The following ELOVL6 variants were observed in gnomAD, a reference collection of about 807,000 sequenced individuals.
The protein encoded by ELOVL6 is ELOVL fatty acid elongase 6.
Under a neutral mutation model 31.7 loss-of-function variants are expected in ELOVL6, and 8 were observed. The observed-to-expected ratio is 0.25, with a 90% CI of 0.15 to 0.45. The LOEUF (loss-of-function observed/expected upper bound fraction) is 0.45, where lower values mean the gene tolerates loss of function less well. Ranked by LOEUF, ELOVL6 falls within the 20% of genes least tolerant of loss-of-function variation. ELOVL6 has a pLI of 1.00. For missense variants in ELOVL6, 126 were observed against 326.4 expected (o/e 0.39, Z 4.73); for synonymous variants, 101 against 117.7 (o/e 0.86, Z 0.92).
chr4:110,066,691 A>T (rs1755315314), intron 2 of ELOVL6, among the ~76,000 whole-genome samples: 1 of 150,656 alleles, frequency 6.6e-6, no homozygotes, highest in Non-Finnish European at 1.5e-5. Flanking sequence ...TGTCAATATC[A>T]TGTCTCTACA....
chr4:110,102,515 T>A (rs1756776499), intron 2 of ELOVL6, among the ~76,000 whole-genome samples: 1 of 152,022 alleles, frequency 6.6e-6, no homozygotes, highest in Non-Finnish European at 1.5e-5. Flanking sequence ...AGAAACTAGC[T>A]GGCCGTGGTG....
At chr4:110,189,472 A>G (rs908370943) in intron 1 of ELOVL6, among the ~76,000 whole-genome samples, 1 of 151,530 alleles carries the variant, frequency 6.6e-6, no homozygotes, top group Non-Finnish European at 1.5e-5. Context: ...CTGTAATCCC[A>G]GCTACTCAGA....
At chr4:110,184,732 A>G (rs918251977) in intron 1 of ELOVL6, among the ~76,000 whole-genome samples, 1 of 152,182 alleles carries the variant, frequency 6.6e-6, no homozygotes, top group Non-Finnish European at 1.5e-5. Context: ...CAGGTAGGAG[A>G]AAAGGGAGAT....
chr4:110,167,499 G>A lies in ELOVL6; in HGVS notation c.89+30748C>T, dbSNP rs181498282. On this transcript the variant is annotated intron_variant, in intron 1 of 3. Transcript: ENST00000302274. ...AGAGTTACTAAAGGATGTTTTTTTG[G>A]TTGCAGAGAGGGGAGTGAAGGGGGA... Among the ~76,000 whole-genome samples the A allele has an allele frequency of 4.0e-5, 6 of 151,784 alleles. No individual in the cohort carries two copies. The East Asian group carries it at 5.8e-4, about 15-fold the overall frequency.
intron 1 of ELOVL6, among the ~76,000 whole-genome samples, chr4:110,153,734 A>G (rs1177456197): frequency 6.6e-6 from 1 of 152,184 alleles, no homozygotes; most frequent in Non-Finnish European, 1.5e-5. Context: ...AATTTTTAAA[A>G]TTTTAAGAGT....
At chr4:110,173,195 C>T (rs1322853905) in intron 1 of ELOVL6, among the ~76,000 whole-genome samples, 1 of 152,168 alleles carries the variant, frequency 6.6e-6, no homozygotes, top group African/African-American at 2.4e-5. Context: ...GTGACTTAGT[C>T]AAGCATGAGA....
intron 2 of ELOVL6, among the ~76,000 whole-genome samples, chr4:110,065,171 A>G (rs1411972174): frequency 6.6e-6 from 1 of 152,226 alleles, no homozygotes; most frequent in Non-Finnish European, 1.5e-5. Flanking sequence ...TATGGTTGGG[A>G]GTTTCCTTTG....
chr4:110,077,370 G>A (rs759001568), intron 2 of ELOVL6, among the ~76,000 whole-genome samples: 42 of 152,118 alleles, frequency 2.8e-4, no homozygotes, highest in Non-Finnish European at 5.1e-4. Flanking sequence ...TCACACAGCC[G>A]GGTGCTCCTC....
intron 1 of ELOVL6, among the ~76,000 whole-genome samples, chr4:110,135,388 T>C (rs1044727147): frequency 6.6e-6 from 1 of 152,174 alleles, no homozygotes; most frequent in African/African-American, 2.4e-5. Context: ...TTGTAAGAAA[T>C]GGAGTGAGGT....
intron 1 of ELOVL6, among the ~76,000 whole-genome samples, chr4:110,141,634 T>C (rs1757959172): frequency 1.3e-5 from 2 of 150,560 alleles, no homozygotes; most frequent in Admixed American, 6.7e-5. Flanking sequence ...CCTACAGCAT[T>C]AATATTGTAT....
intron 1 of ELOVL6, among the ~76,000 whole-genome samples, chr4:110,173,915 T>C (rs1759025608): frequency 6.6e-6 from 1 of 151,506 alleles, no homozygotes; most frequent in African/African-American, 2.4e-5. Flanking sequence ...TGAAATAATA[T>C]GTACAACAAA....
chr4:110,134,116 A>C (rs1230853001), intron 1 of ELOVL6, among the ~76,000 whole-genome samples: 1 of 152,212 alleles, frequency 6.6e-6, no homozygotes. Flanking sequence ...GATACATTAC[A>C]ATGTTATAGT....
chr4:110,198,343 G>A lies in ELOVL6; in HGVS notation c.-8C>T, dbSNP rs756323094. 8 of 1,545,684 alleles carry A rather than the reference G, an allele frequency of 5.2e-6. No homozygotes were observed. The highest frequency in any genetic ancestry group is 7.2e-6 in the Non-Finnish European group (8 of 1,118,832). On this transcript the variant is annotated 5_prime_UTR_variant, in exon 1 of 4. Transcript: ENST00000302274. Reference sequence around the variant, plus strand: ...CAACACTGACATGTTCATTGGGGCTGATCTTCGGAGTCGCTACGTGTTCTC... The same window carrying A: ...CAACACTGACATGTTCATTGGGGCTAATCTTCGGAGTCGCTACGTGTTCTC...
rs1208624293 is a variant in ELOVL6, at chr4:110,084,137, G to GATATATATATCACATATATGTT, written c.221+21359_221+21360insAACATATATGTGATATATATAT. Among the ~76,000 whole-genome samples the GATATATATATCACATATATGTT allele has an allele frequency of 1.1e-4, 7 of 60,908 alleles. No homozygotes were observed. In the South Asian group the frequency reaches 1.3e-3, roughly 11 times the overall value. 40.0% of individuals were successfully genotyped at this position (60,908 alleles called of 152,430 possible). A position where few individuals can be genotyped will look rare whatever the true frequency, so the allele number is the denominator to read the frequency against. On this transcript the variant is annotated intron_variant, in intron 2 of 3. Coordinates refer to ENST00000302274, the MANE Select transcript of ELOVL6 (RefSeq NM_024090.3). ...ATATATATAACATATATGTGATAAT[G>GATATATATATCACATATATGTT]ATATATATGATATATATAACATATA...
At chr4:110,133,437 C>A (rs1305911102) in intron 1 of ELOVL6, among the ~76,000 whole-genome samples, 1 of 152,200 alleles carries the variant, frequency 6.6e-6, no homozygotes, top group East Asian at 1.9e-4. Flanking sequence ...AAATGTTACA[C>A]TGTGTATTAA....
chr4:110,182,627 G>A (rs780629617), intron 1 of ELOVL6, among the ~76,000 whole-genome samples: 3 of 152,146 alleles, frequency 2.0e-5, no homozygotes, highest in Non-Finnish European at 4.4e-5. Flanking sequence ...GGAACAGGGA[G>A]GCCGGGCGCG....
intron 3 of ELOVL6, among the ~76,000 whole-genome samples, chr4:110,058,941 C>A (rs1755066944): frequency 6.6e-6 from 1 of 152,120 alleles, no homozygotes; most frequent in Admixed American, 6.5e-5. Flanking sequence ...AAAACTGTGC[C>A]CACATTAACT....
chr4:110,154,142 T>A (rs1388660223), intron 1 of ELOVL6, among the ~76,000 whole-genome samples: 1 of 152,180 alleles, frequency 6.6e-6, no homozygotes, highest in African/African-American at 2.4e-5. Flanking sequence ...AATGGCGCAA[T>A]CATGGCTCAC....
rs199597473 is a variant in ELOVL6 at position 110,094,433 on chromosome 4, ATATATATATAAT to A, written c.221+11052_221+11063del. ...TATATATATATATATATATATATAT[ATATATATATAAT>A]ATATATAACATAATATATATTACAT... On this transcript the variant is annotated intron_variant, in intron 2 of 3. Transcript: ENST00000302274. Among the ~76,000 whole-genome samples the A allele has an allele frequency of 6.2e-3, 370 of 59,758 alleles. 22 individuals carry two copies. Among genetic ancestry groups the A allele is most frequent in the East Asian group, 7.4e-3 (11 of 1,488 alleles). 39.2% of individuals were successfully genotyped at this position (59,758 alleles called of 152,430 possible).
Sources: allele counts gnomAD v4.1 joint callset (sites outside exome capture counted in the v4.1 genomes callset), GRCh38; gene constraint gnomAD v4.1.1; transcripts MANE v1.5; gene names NCBI Gene and HGNC (gene_info 2026-07-23, HGNC 2026-07-21).